Variants in SCMH1 observed in about 807,000 individuals in gnomAD.
SCMH1 encodes the protein polycomb protein SCMH1.
Under a neutral mutation model 70.8 loss-of-function variants are expected in SCMH1, and 37 were observed. The observed-to-expected ratio is 0.52, with a 90% confidence interval of 0.40 to 0.69. The LOEUF (loss-of-function observed/expected upper bound fraction) is 0.69. SCMH1 is among the 30% of genes least tolerant of loss of function. The pLI, the probability that SCMH1 is intolerant of heterozygous loss-of-function variation, is 0.00. For missense variants in SCMH1, 607 were observed against 827.3 expected, an observed-to-expected ratio of 0.73 and a Z score of 3.27; for synonymous variants, 292 against 307.4, an observed-to-expected ratio of 0.95 and a Z score of 0.52.
chr1:41,114,669 C>CTCTCTT (rs1286982687), intron 7 of SCMH1, among the ~76,000 whole-genome samples: 2 of 150,964 alleles, frequency 1.3e-5, no homozygotes, highest in Admixed American at 6.6e-5. Context: ...CTTTCTCTCT[C>CTCTCTT]TCTCTCTCTC....
chr1:41,162,886 A>C (rs1646150417), intron 2 of SCMH1: 1 of 152,184 alleles, frequency 6.6e-6, no homozygotes, highest in South Asian at 2.1e-4. Flanking sequence ...GCACCTCTTC[A>C]TCTTGCTCAC....
At chr1:41,065,023 A>G (rs1000833937) in intron 10 of SCMH1, among the ~76,000 whole-genome samples, 3 of 152,214 alleles carry the variant, frequency 2.0e-5, no homozygotes, top group African/African-American at 7.2e-5. Flanking sequence ...TATGAGGAAA[A>G]CTAGAAAAGT....
chr1:41,040,502 T>C (rs905968472), intron 12 of SCMH1, among the ~76,000 whole-genome samples: 6 of 152,164 alleles, frequency 3.9e-5, no homozygotes, highest in African/African-American at 1.2e-4. Context: ...GGAGGTAGAT[T>C]TGCTCTTTTG....
intron 6 of SCMH1, among the ~76,000 whole-genome samples, chr1:41,128,254 A>C (rs1216280329): frequency 6.6e-6 from 1 of 152,070 alleles, no homozygotes; most frequent in East Asian, 1.9e-4. Flanking sequence ...TTTACCTACA[A>C]ATTTTCCTCA....
chr1:41,158,779 T>C (rs918473604), intron 4 of SCMH1, among the ~76,000 whole-genome samples: 3 of 152,072 alleles, frequency 2.0e-5, no homozygotes, highest in African/African-American at 4.8e-5. Context: ...AGGAAGCTGT[T>C]TTAATAATCT....
chr1:41,221,676 C>G (rs1269315113), intron 1 of SCMH1, among the ~76,000 whole-genome samples: 1 of 151,280 alleles, frequency 6.6e-6, no homozygotes, highest in Non-Finnish European at 1.5e-5. Flanking sequence ...CCACTTGAGG[C>G]CAGGAGTTCA....
chr1:41,200,487 A>AT (rs1325461423), intron 1 of SCMH1, among the ~76,000 whole-genome samples: 1 of 146,718 alleles, frequency 6.8e-6, no homozygotes, highest in African/African-American at 2.5e-5. Flanking sequence ...AAAAAAATAT[A>AT]TAAATAAATG....
chr1:41,195,022 C>T (rs754529457), intron 1 of SCMH1, among the ~76,000 whole-genome samples: 6 of 148,928 alleles, frequency 4.0e-5, no homozygotes, highest in East Asian at 2.0e-4. Flanking sequence ...TCCCACCTAC[C>T]GGGCAGGCTG....
intron 6 of SCMH1, among the ~76,000 whole-genome samples, chr1:41,128,278 A>T (rs1673719913): frequency 6.6e-6 from 1 of 152,074 alleles, no homozygotes; most frequent in Non-Finnish European, 1.5e-5. Context: ...CTTTGCAGAG[A>T]TCCATTTTTT....
At chr1:41,088,732 C>A (rs1662453358) in intron 8 of SCMH1, among the ~76,000 whole-genome samples, 1 of 152,138 alleles carries the variant, frequency 6.6e-6, no homozygotes, top group Non-Finnish European at 1.5e-5. Flanking sequence ...AGTACTTTAA[C>A]CATCTAAGGA....
intron 5 of SCMH1, among the ~76,000 whole-genome samples, chr1:41,145,782 T>TCTA (rs1644496651): frequency 6.6e-6 from 1 of 152,188 alleles, no homozygotes; most frequent in African/African-American, 2.4e-5. Flanking sequence ...CTAGTTATAA[T>TCTA]GCAGCTGTCT....
rs150597763 is a variant in SCMH1 at position 41,219,385 on chromosome 1, T to C, written c.-118+22674A>G. ...GGATCATGGGAACCCCTCAGATTTG[T>C]AGCCAGCTGGTCAGAAGTATGGGTG... is the stretch of plus-strand genomic sequence containing the variant. On this transcript the variant is annotated intron_variant, in intron 1 of 14. Coordinates refer to ENST00000337495, the Ensembl canonical transcript of SCMH1. Among the ~76,000 whole-genome samples the C allele has an allele frequency of 3.9e-5, 6 of 152,334 alleles. No individual in the cohort carries two copies. The East Asian group carries it at 1.2e-3, about 29-fold the overall frequency.
At chr1:41,131,247 A>G (rs971525030) in intron 6 of SCMH1, among the ~76,000 whole-genome samples, 3 of 152,216 alleles carry the variant, frequency 2.0e-5, no homozygotes, top group Non-Finnish European at 4.4e-5. Flanking sequence ...TCATGGATCT[A>G]TATGTCTGTC....
At position 41,074,166 on chromosome 1, in the gene SCMH1, T is replaced by C. The variant is rs551705306; in HGVS notation, c.978+1053A>G. ...TAAGAGGTAGTACTTTCAGTAACAG[T>C]GCTCAGTGAAGGTGACTCAGCTGTC... On this transcript the variant is annotated intron_variant, in intron 9 of 14. Coordinates refer to ENST00000337495, the Ensembl canonical transcript of SCMH1. Among the ~76,000 whole-genome samples the C allele has an allele frequency of 2.6e-5, 4 of 151,666 alleles. No homozygotes were observed. The South Asian group carries it at 6.3e-4, about 24-fold the overall frequency.
intron 8 of SCMH1, among the ~76,000 whole-genome samples, chr1:41,081,045 T>G (rs1343019085): frequency 6.6e-6 from 1 of 152,040 alleles, no homozygotes; most frequent in African/African-American, 2.4e-5. Context: ...AATAAAAAAA[T>G]GAATTTGGAA....
At chr1:41,065,327 G>C (rs1654221477) in intron 10 of SCMH1, among the ~76,000 whole-genome samples, 1 of 152,142 alleles carries the variant, frequency 6.6e-6, no homozygotes, top group Non-Finnish European at 1.5e-5. Flanking sequence ...AAATTAGCTA[G>C]GTATAGTGGC....
chr1:41,113,190 A>G lies in SCMH1; in HGVS notation c.745+93T>C. ...CTTGCTCCTCCCCTGCATACTAGTG[A>G]AGTATACTGGTGAAGATATGATCAT... On this transcript the variant is annotated intron_variant, in intron 8 of 14. Coordinates refer to ENST00000337495, the Ensembl canonical transcript of SCMH1. The surrounding 1 kb of genome is among the most constrained non-coding windows in gnomAD (Gnocchi z 4.3). 6.8e-7 allele frequency: 1 copy of G among 1,471,170 alleles called. No individual in the cohort carries two copies. Among genetic ancestry groups the G allele is most frequent in the Non-Finnish European group, 9.2e-7 (1 of 1,092,186 alleles). The allele number at this position is 1,471,170 out of a possible 1,614,324, so 91.1% of individuals were successfully genotyped here.
At chr1:41,087,710 T>C (rs1195401306) in intron 8 of SCMH1, among the ~76,000 whole-genome samples, 1 of 152,102 alleles carries the variant, frequency 6.6e-6, no homozygotes, top group East Asian at 1.9e-4. Context: ...CTGGTGAGAA[T>C]GAAAACTGGT....
intron 8 of SCMH1, among the ~76,000 whole-genome samples, chr1:41,082,884 T>C (rs918857497): frequency 6.6e-6 from 1 of 152,186 alleles, no homozygotes; most frequent in Non-Finnish European, 1.5e-5. Flanking sequence ...CACATGATTA[T>C]CTCAATAGAT....
Sources: allele counts gnomAD v4.1 joint callset (sites outside exome capture counted in the v4.1 genomes callset), GRCh38; gene constraint gnomAD v4.1.1; non-coding constraint Gnocchi (gnomAD v3.1); transcripts MANE v1.5; gene names NCBI Gene and HGNC (gene_info 2026-07-23, HGNC 2026-07-21).